PALMD: variants seen among roughly 807,000 people sequenced by gnomAD.
PALMD encodes the protein paralemmin-like protein.
A neutral mutation model predicts 56.2 loss-of-function variants in PALMD; 42 were observed. The observed-to-expected ratio is 0.75, with a 90% CI of 0.58 to 0.97. The LOEUF is 0.97. Ranked by LOEUF, PALMD falls within the 50% of genes least tolerant of loss-of-function variation. The pLI is 0.00. For missense variants in PALMD, 660 were observed against 643.8 expected, an observed-to-expected ratio of 1.03 and a Z score of -0.27; for synonymous variants, 242 against 222.9, an observed-to-expected ratio of 1.09 and a Z score of -0.76.
chr1:99,650,562 CT>C lies in PALMD; in HGVS notation c.45+4205del, dbSNP rs574021975. On this transcript the variant is annotated intron_variant, in intron 1 of 7. Transcript: ENST00000263174. ...TGGGCACTCTACCTCATCTTGTTCC[CT>C]TTTTGTCAATATCTGGGCTCTTCTA... 4.3e-3 allele frequency among the ~76,000 whole-genome samples: 648 copies of C among 152,284 alleles called. 5 individuals carry two copies. Among genetic ancestry groups the C allele is most frequent in the African/African-American group, 0.015 (615 of 41,568 alleles).
chr1:99,670,652 T>C (rs1271463501), intron 3 of PALMD, among the ~76,000 whole-genome samples: 3 of 151,854 alleles, frequency 2.0e-5, no homozygotes, highest in African/African-American at 7.3e-5. Context: ...TAAAAAGATG[T>C]ATTTGCAAAA....
intron 3 of PALMD, 152 bp from the exon 4 acceptor site, chr1:99,686,524 A>G (rs7512958): frequency 0.044 from 22,762 of 518,872 alleles, 1,389 homozygotes; most frequent in African/African-American, 0.22. Flanking sequence ...TATCATGCTT[A>G]GTGTGATGCT....
At chr1:99,652,405 AC>A (rs1215032334) in intron 1 of PALMD, among the ~76,000 whole-genome samples, 4 of 152,000 alleles carry the variant, frequency 2.6e-5, no homozygotes, top group Non-Finnish European at 4.4e-5. Context: ...GGAGTTCAAA[AC>A]CAGCCTGGCC....
rs373411715 is a variant in PALMD, at chr1:99,655,308, A to AC, written c.46-7011_46-7010insC. ...TTAGATGATAAATAATATTAAAAAC[A>AC]TAAAAAACTTAATAAATGTTATTAT... On this transcript the variant is annotated intron_variant, in intron 1 of 7. Coordinates refer to ENST00000263174, the MANE Select transcript of PALMD (RefSeq NM_017734.5). Among the ~76,000 whole-genome samples, 897 of 152,226 alleles carry AC rather than the reference A, an allele frequency of 5.9e-3. 10 individuals carry two copies. The highest frequency in any genetic ancestry group is 0.021 in the African/African-American group (862 of 41,500).
In PALMD at chr1:99,652,694, GGAAAAGAAAA is replaced by G. The variant is rs1226790564; in HGVS notation, c.45+6372_45+6381del. 2.2e-3 allele frequency among the ~76,000 whole-genome samples: 190 copies of G among 86,386 alleles called. 1 individual carries two copies. Among genetic ancestry groups the G allele is most frequent in the Middle Eastern group, 6.3e-3 (1 of 160 alleles). 56.7% of individuals were successfully genotyped at this position (86,386 alleles called of 152,430 possible). A position where few individuals can be genotyped will look rare whatever the true frequency, so the allele number is the denominator to read the frequency against. On this transcript the variant is annotated intron_variant, in intron 1 of 7. Transcript: ENST00000263174. ...GGAAAGGAAAGGAAAGGAAAGGAAA[GGAAAAGAAAA>G]GAAAAGAAAAGAAAAGAAAAGAAAA...
intron 7 of PALMD, 107 bp downstream of exon 7, chr1:99,689,979 T>C: frequency 1.0e-6 from 1 of 980,066 alleles, no homozygotes. Context: ...CATAAACTAA[T>C]ACGCACTGAG....
At chr1:99,680,813 C>A (rs750050114) in intron 3 of PALMD, among the ~76,000 whole-genome samples, 1 of 151,922 alleles carries the variant, frequency 6.6e-6, no homozygotes, top group Non-Finnish European at 1.5e-5. Context: ...TATCTATGTA[C>A]ATGCATACAT....
At chr1:99,686,848 T>C in intron 4 of PALMD, 58 bp downstream of exon 4, 4 of 1,341,776 alleles carry the variant, frequency 3.0e-6, no homozygotes, top group Non-Finnish European at 4.2e-6. Flanking sequence ...CCACAAATAC[T>C]ATATAATTTT....
chr1:99,660,785 C>A (rs5014585), intron 1 of PALMD, among the ~76,000 whole-genome samples: 50 of 152,286 alleles, frequency 3.3e-4, no homozygotes, highest in Non-Finnish European at 6.2e-4. Context: ...ACTCAGGAAG[C>A]TAAGGCAGGA....
intron 3 of PALMD, 150 bp from the exon 4 acceptor site, chr1:99,686,526 T>G: frequency 1.9e-6 from 1 of 527,504 alleles, no homozygotes; most frequent in South Asian, 3.2e-5. Context: ...TCATGCTTAG[T>G]GTGATGCTAA....
At chr1:99,672,719 T>C (rs1571068053) in intron 3 of PALMD, among the ~76,000 whole-genome samples, 1 of 152,172 alleles carries the variant, frequency 6.6e-6, no homozygotes, top group Non-Finnish European at 1.5e-5. Flanking sequence ...CTGACTTTAA[T>C]TGGAGCACAC....
chr1:99,657,667 G>A (rs1652756612), intron 1 of PALMD, among the ~76,000 whole-genome samples: 1 of 152,092 alleles, frequency 6.6e-6, no homozygotes, highest in Admixed American at 6.5e-5. Flanking sequence ...AATAAATTCT[G>A]AACCCTTTGT....
intron 1 of PALMD, among the ~76,000 whole-genome samples, chr1:99,661,478 G>C (rs1349935155): frequency 3.3e-5 from 5 of 152,118 alleles, no homozygotes; most frequent in Non-Finnish European, 7.4e-5. Context: ...ACATATATCA[G>C]TTATTTAGTG....
At chr1:99,653,999 T>G (rs927809227) in intron 1 of PALMD, among the ~76,000 whole-genome samples, 1 of 152,080 alleles carries the variant, frequency 6.6e-6, no homozygotes, top group Non-Finnish European at 1.5e-5. Context: ...TGCTATAATG[T>G]CCCTTATTTG....
intron 1 of PALMD, among the ~76,000 whole-genome samples, chr1:99,655,611 A>G (rs1402012521): frequency 1.3e-5 from 2 of 152,060 alleles, no homozygotes; most frequent in African/African-American, 4.8e-5. Context: ...GTATCTTTTC[A>G]CCTCATCCAA....
chr1:99,693,536 G>A (rs1371907638), intron 7 of PALMD, among the ~76,000 whole-genome samples: 8 of 152,160 alleles, frequency 5.3e-5, no homozygotes, highest in South Asian at 2.1e-4. Context: ...TGTTTCATTC[G>A]TAAAGAAATT....
At chr1:99,683,158 GAAAGAAAGAAAC>G (rs1557674128) in intron 3 of PALMD, 31 of 130,080 alleles carry the variant, frequency 2.4e-4, no homozygotes, top group African/African-American at 3.9e-4. Context: ...AAGAAAGAAA[GAAAGAAAGAAAC>G]GAACACCCTA....
At chr1:99,665,079 A>G (rs1652930499) in intron 2 of PALMD, among the ~76,000 whole-genome samples, 1 of 152,030 alleles carries the variant, frequency 6.6e-6, no homozygotes, top group Admixed American at 6.6e-5. Context: ...TCACAATCTC[A>G]TGTTACCAGG....
chr1:99,686,435 C>T (rs1052664781), intron 3 of PALMD: 15 of 281,436 alleles, frequency 5.3e-5, no homozygotes, highest in Non-Finnish European at 9.8e-5. Context: ...AAATGCTTTA[C>T]CTAATATATT....
Sources: allele counts gnomAD v4.1 joint callset (sites outside exome capture counted in the v4.1 genomes callset), GRCh38; gene constraint gnomAD v4.1.1; transcripts MANE v1.5; gene names NCBI Gene and HGNC (gene_info 2026-07-23, HGNC 2026-07-21).